The following GPC1 variants were observed in gnomAD, a reference collection of about 807,000 sequenced individuals.
GPC1 encodes the protein glypican 1.
GPC1 carries 26 observed loss-of-function variants against 51.5 expected under a neutral mutation model. The observed-to-expected ratio is 0.50, with a 90% confidence interval of 0.37 to 0.70. The LOEUF (loss-of-function observed/expected upper bound fraction) is 0.70. Among genes scored for constraint, GPC1 ranks in the 30% least tolerant of loss-of-function variants. The pLI, the probability that GPC1 is intolerant of heterozygous loss-of-function variation, is 0.00. For missense variants in GPC1, 775 were observed against 800.5 expected, an observed-to-expected ratio of 0.97 and a Z score of 0.38; for synonymous variants, 380 against 348.3, an observed-to-expected ratio of 1.09 and a Z score of -1.01.
intron 1 of GPC1, among the ~76,000 whole-genome samples, chr2:240,444,158 G>A (rs562525712): frequency 5.0e-4 from 76 of 152,278 alleles, no homozygotes; most frequent in Admixed American, 2.8e-3. Context: ...AGGAGGGCCC[G>A]GCCAGCCTCA....
intron 8 of GPC1, among the ~76,000 whole-genome samples, 193 bp from the exon 9 acceptor site, chr2:240,465,865 C>T (rs560389372): frequency 6.6e-6 from 1 of 152,206 alleles, no homozygotes; most frequent in Admixed American, 6.5e-5. Flanking sequence ...GCTTTGGCTC[C>T]AGGGACCAAG....
At chr2:240,445,681 G>C (rs1281524333) in intron 1 of GPC1, among the ~76,000 whole-genome samples, 2 of 152,176 alleles carry the variant, frequency 1.3e-5, no homozygotes, top group Non-Finnish European at 2.9e-5. Context: ...GGCTGAGAAA[G>C]AGATTACATC....
rs867054183 is a variant in GPC1 at position 240,464,870 on chromosome 2, C to T, written c.1029C>T (p.Cys343=). 13 of 1,554,680 alleles carry T rather than the reference C, an allele frequency of 8.4e-6. No individual in the cohort carries two copies. The Admixed American group carries it at 1.1e-4, about 14-fold the overall frequency. Residue 343 remains cysteine (C), a synonymous_variant, in exon 6 of 9, where the codon TGC becomes TGT. Coordinates refer to ENST00000264039, the MANE Select transcript of GPC1 (RefSeq NM_002081.3). ...TGTCTCTCCAGGTCATCCAGGGCTG[C>T]GGGAACCCCAAGGTCAACCCCCAGG... is the stretch of plus-strand genomic sequence containing the variant. ...DTLTAKVIQG[C]GNPKVNPQGP...
intron 1 of GPC1, among the ~76,000 whole-genome samples, chr2:240,443,155 G>T (rs528246334): frequency 6.6e-6 from 1 of 152,272 alleles, no homozygotes; most frequent in Non-Finnish European, 1.5e-5. Flanking sequence ...GAACTGGGGT[G>T]GGGGGCAGTG....
chr2:240,451,115 C>CT (rs761430715), intron 1 of GPC1: 4 of 471,074 alleles, frequency 8.5e-6, no homozygotes, highest in Admixed American at 7.0e-5. Flanking sequence ...CCTTTGCTCC[C>CT]TCCCCTTCTG....
rs769164128 is a variant in GPC1 at position 240,466,146 on chromosome 2, G to A, written c.1533G>A (p.Arg511=). ...TCAGCAGGAAGAGCTCCAGCTCCCG[G>A]ACGCCCTTGACCCATGCCCTCCCAG... is the stretch of plus-strand genomic sequence containing the variant. ...RKVSRKSSSS[R]TPLTHALPGL... Residue 511 remains arginine (R), a synonymous_variant, in exon 9 of 9, where the codon CGG becomes CGA. Transcript: ENST00000264039. The A allele has an allele frequency of 6.2e-7, 1 of 1,612,986 alleles. No individual in the cohort carries two copies. Among genetic ancestry groups the A allele is most frequent in the Non-Finnish European group, 8.5e-7 (1 of 1,179,746 alleles).
At chr2:240,455,092 C>A (rs772766196) in intron 1 of GPC1, 1 of 167,132 alleles carries the variant, frequency 6.0e-6, no homozygotes, top group Non-Finnish European at 1.4e-5. Flanking sequence ...CCGTCAGGAT[C>A]GGGAGGGGGA....
intron 1 of GPC1, among the ~76,000 whole-genome samples, chr2:240,443,149 TGG>T (rs1175949872): frequency 2.0e-5 from 3 of 152,194 alleles, no homozygotes; most frequent in Non-Finnish European, 2.9e-5. Context: ...GTCACAGAAC[TGG>T]GGTGGGGGGC....
At chr2:240,464,504 C>T (rs967963811) in intron 4 of GPC1, 112 bp from the exon 5 acceptor site, 327 of 1,394,072 alleles carry the variant, frequency 2.3e-4, no homozygotes, top group Non-Finnish European at 3.1e-4. Flanking sequence ...CATGCTGACC[C>T]GTGCTGTCAA....
At chr2:240,462,618 C>T in intron 3 of GPC1, 36 bp downstream of exon 3, 1 of 1,494,366 alleles carries the variant, frequency 6.7e-7, no homozygotes, top group Non-Finnish European at 8.9e-7. Flanking sequence ...AGAAACCCCT[C>T]CAGACCCCCA....
chr2:240,443,200 T>C (rs546789442), intron 1 of GPC1, among the ~76,000 whole-genome samples: 3 of 152,306 alleles, frequency 2.0e-5, no homozygotes, highest in East Asian at 1.9e-4. Flanking sequence ...CCAGGTTGCG[T>C]TGCGGGAGCC....
intron 1 of GPC1, chr2:240,455,922 A>G: frequency 3.0e-6 from 1 of 336,378 alleles, no homozygotes; most frequent in South Asian, 2.1e-5. Flanking sequence ...AGCGGGCCTC[A>G]GGGGGCCGCC....
chr2:240,436,522 C>T (rs1417687994), intron 1 of GPC1, among the ~76,000 whole-genome samples: 1 of 152,182 alleles, frequency 6.6e-6, no homozygotes, highest in South Asian at 2.1e-4. Flanking sequence ...GCCGGGCTTT[C>T]GGGGCGCCGC....
Position 240,464,941 on chromosome 2 carries a change from G to A in GPC1, c.1100G>A (p.Arg367Gln), listed in dbSNP as rs370704920. 19 of 1,551,948 alleles carry A rather than the reference G, an allele frequency of 1.2e-5. No homozygotes were observed. Among genetic ancestry groups the A allele is most frequent in the Admixed American group, 5.9e-5 (3 of 51,170 alleles). Residue 367 changes from arginine to glutamine, a missense_variant, in exon 6 of 9, where the codon CGG becomes CAG. Coordinates refer to ENST00000264039, the MANE Select transcript of GPC1 (RefSeq NM_002081.3). The stretch of plus-strand genomic sequence containing the variant: ...CGGCGCCGGGGCAAGCTGGCCCCGC[G>A]GGAGAGGCCACCTTCAGGCACGCTG... ...EKRRRGKLAP[R>Q]ERPPSGTLEK...
At chr2:240,450,084 C>G (rs116666152) in intron 1 of GPC1, 2 of 340,732 alleles carry the variant, frequency 5.9e-6, no homozygotes, top group Non-Finnish European at 1.2e-5. Context: ...ACTAAAATAA[C>G]AATTCATTGT....
At position 240,437,418 on chromosome 2, in the gene GPC1, G is replaced by A. The variant is rs76984486; in HGVS notation, c.166+1334G>A. On this transcript the variant is annotated intron_variant, in intron 1 of 8. Transcript: ENST00000264039. ...GCCCCCCACAGAAGGAACAGAACCC[G>A]CAGACAGTCCCTTGGCGGATCTCCC... Among the ~76,000 whole-genome samples, 350 of 151,656 alleles carry A rather than the reference G, an allele frequency of 2.3e-3. 1 individual carries two copies. In the East Asian group the frequency reaches 0.026, roughly 11 times the overall value.
At chr2:240,436,441 G>T (rs1036391333) in intron 1 of GPC1, among the ~76,000 whole-genome samples, 1 of 152,040 alleles carries the variant, frequency 6.6e-6, no homozygotes, top group African/African-American at 2.4e-5. Flanking sequence ...CCGCCGCTCG[G>T]CCCAGCGCGC....
intron 6 of GPC1, 48 bp from the exon 7 acceptor site, chr2:240,465,029 G>C: frequency 1.1e-5 from 17 of 1,579,716 alleles, no homozygotes; most frequent in Non-Finnish European, 1.5e-5. Flanking sequence ...CAGACAGGCA[G>C]AGGCGGGCGG....
intron 1 of GPC1, among the ~76,000 whole-genome samples, chr2:240,438,751 A>T (rs1339632122): frequency 6.6e-6 from 1 of 152,174 alleles, no homozygotes; most frequent in East Asian, 1.9e-4. Flanking sequence ...CAGTGTCGGG[A>T]CATATTGGGC....
Sources: allele counts gnomAD v4.1 joint callset (sites outside exome capture counted in the v4.1 genomes callset), GRCh38; gene constraint gnomAD v4.1.1; transcripts MANE v1.5; gene names NCBI Gene and HGNC (gene_info 2026-07-23, HGNC 2026-07-21).